ESR1: variants seen among roughly 807,000 people sequenced by gnomAD.
The protein encoded by ESR1 is estrogen receptor 1, also known as estrogen receptor.
Under a neutral mutation model 52.7 loss-of-function variants are expected in ESR1, and 12 were observed. The ratio of observed to expected loss-of-function variants is 0.23; its 90% CI spans 0.15 to 0.37. The LOEUF is 0.37. Ranked by LOEUF, ESR1 falls within the 10% of genes least tolerant of loss-of-function variation. The probability of loss-of-function intolerance (pLI) is 1.00; values close to 1 mark genes in which losing one functional copy is unlikely to be tolerated. For missense variants in ESR1, 584 were observed against 779.7 expected, an observed-to-expected ratio of 0.75 and a Z score of 2.99; for synonymous variants, 305 against 316.8, an observed-to-expected ratio of 0.96 and a Z score of 0.39.
chr6:152,091,770 G>T (rs1441641944), intron 6 of ESR1, among the ~76,000 whole-genome samples: 1 of 152,082 alleles, frequency 6.6e-6, no homozygotes, highest in Non-Finnish European at 1.5e-5. Context: ...GAGAAGAGAG[G>T]CACACATGTC....
At chr6:151,913,781 T>C (rs575704437) in intron 3 of ESR1, among the ~76,000 whole-genome samples, 1 of 152,326 alleles carries the variant, frequency 6.6e-6, no homozygotes, top group Non-Finnish European at 1.5e-5. Context: ...CAGATCTTTT[T>C]TTTAATGTAC....
intron 2 of ESR1, among the ~76,000 whole-genome samples, chr6:151,725,465 T>C (rs951814806): frequency 1.4e-4 from 22 of 152,228 alleles, no homozygotes; most frequent in African/African-American, 3.6e-4. Context: ...TTTGAGACTA[T>C]AGAGTTTCTT....
chr6:151,793,971 AG>A (rs1385741840), intron 2 of ESR1, among the ~76,000 whole-genome samples: 1 of 152,232 alleles, frequency 6.6e-6, no homozygotes, highest in Non-Finnish European at 1.5e-5. Context: ...TTAGGAGAAT[AG>A]GATGTCTTCT....
chr6:151,668,342 G>A (rs1164500630), intron 1 of ESR1, among the ~76,000 whole-genome samples: 2 of 151,700 alleles, frequency 1.3e-5, no homozygotes, highest in Non-Finnish European at 2.9e-5. Context: ...GCAGTGGCTC[G>A]ATCTTGGCTC....
At chr6:151,886,850 G>A (rs1793931570) in intron 3 of ESR1, among the ~76,000 whole-genome samples, 1 of 152,020 alleles carries the variant, frequency 6.6e-6, no homozygotes, top group Non-Finnish European at 1.5e-5. Flanking sequence ...AGACCAGCCT[G>A]ACCAACATGG....
chr6:151,658,169 G>A (rs1383007169), intron 1 of ESR1, among the ~76,000 whole-genome samples: 2 of 152,192 alleles, frequency 1.3e-5, no homozygotes, highest in Non-Finnish European at 2.9e-5. Context: ...CTTGACTGCA[G>A]TAGGCACTCA....
intron 2 of ESR1, among the ~76,000 whole-genome samples, chr6:151,847,783 G>A (rs1785406096): frequency 1.4e-5 from 2 of 141,922 alleles, no homozygotes; most frequent in South Asian, 4.7e-4. Context: ...TGTTGCCATT[G>A]CTTTTGGTGT....
intron 4 of ESR1, among the ~76,000 whole-genome samples, chr6:151,976,740 A>G (rs1252362540): frequency 6.6e-6 from 1 of 152,108 alleles, no homozygotes; most frequent in Non-Finnish European, 1.5e-5. Flanking sequence ...AGTCATCATC[A>G]CCTAATATCT....
At position 152,098,893 on chromosome 6, in the gene ESR1, G is replaced by A. The variant is rs1349602105; in HGVS notation, c.1715G>A (p.Gly572Asp). 7 of 1,614,206 alleles carry A rather than the reference G, an allele frequency of 4.3e-6. No individual in the cohort carries two copies. Among genetic ancestry groups the A allele is most frequent in the Non-Finnish European group, 5.9e-6 (7 of 1,180,046 alleles). ...ETDQSHLATA[G>D]STSSHSLQKY... ...GACCAAAGCCACTTGGCCACTGCGG[G>A]CTCTACTTCATCGCATTCCTTGCAA... Residue 572 changes from glycine to aspartate, a missense_variant, in exon 8 of 8, where the codon GGC becomes GAC. This residue lies in a region of ESR1 where 71 missense variants were observed against 66.1 expected (regional missense o/e 1.07). Coordinates refer to ENST00000206249, the MANE Select transcript of ESR1 (RefSeq NM_000125.4). This position sits in a 1 kb window ranked among gnomAD's most constrained non-coding sequence, Gnocchi z 5.1.
chr6:152,049,173 A>G (rs1442190033), intron 5 of ESR1, among the ~76,000 whole-genome samples: 1 of 152,244 alleles, frequency 6.6e-6, no homozygotes, highest in Non-Finnish European at 1.5e-5. Context: ...GAAGTATAGA[A>G]TTCCATCTCC....
intron 2 of ESR1, among the ~76,000 whole-genome samples, chr6:151,730,136 C>A (rs1782132180): frequency 6.6e-6 from 1 of 152,072 alleles, no homozygotes; most frequent in African/African-American, 2.4e-5. Flanking sequence ...TTTCTGAGGT[C>A]CCAGAGGGTG....
chr6:151,909,753 G>A (rs759270071), intron 3 of ESR1, among the ~76,000 whole-genome samples: 4 of 152,194 alleles, frequency 2.6e-5, no homozygotes, highest in Non-Finnish European at 4.4e-5. Flanking sequence ...AGAGAGTGGT[G>A]CAGGTGAGGA....
At chr6:151,791,338 G>A (rs945116623) in intron 2 of ESR1, among the ~76,000 whole-genome samples, 3 of 152,124 alleles carry the variant, frequency 2.0e-5, no homozygotes, top group African/African-American at 7.2e-5. Flanking sequence ...CACGAGATCT[G>A]ATGGTTTTAT....
At chr6:151,858,060 G>A (rs1788192530) in intron 2 of ESR1, among the ~76,000 whole-genome samples, 1 of 151,966 alleles carries the variant, frequency 6.6e-6, no homozygotes, top group Admixed American at 6.6e-5. Context: ...AGATTATTCT[G>A]TATTTACCAA....
chr6:152,079,325 G>T (rs371373943), intron 6 of ESR1, among the ~76,000 whole-genome samples: 1 of 152,176 alleles, frequency 6.6e-6, no homozygotes, highest in Non-Finnish European at 1.5e-5. Context: ...TGCAGCCTCC[G>T]CTGGTGATAC....
At chr6:152,114,459 C>T (rs1209979092) in intron 6 of ESR1, among the ~76,000 whole-genome samples, 3 of 152,268 alleles carry the variant, frequency 2.0e-5, no homozygotes, top group African/African-American at 7.2e-5. Flanking sequence ...CAAATCAGGC[C>T]TTTGCTCTTA....
At chr6:152,024,646 A>G (rs1379421768) in intron 5 of ESR1, among the ~76,000 whole-genome samples, 3 of 147,988 alleles carry the variant, frequency 2.0e-5, no homozygotes, top group South Asian at 2.1e-4. Context: ...TATTATACCT[A>G]TTTTATATAG....
intron 2 of ESR1, among the ~76,000 whole-genome samples, chr6:151,775,208 A>G (rs146597165): frequency 1.9e-4 from 29 of 152,318 alleles, no homozygotes; most frequent in Non-Finnish European, 3.1e-4. Flanking sequence ...CATGATGGAG[A>G]GTAATACAAG....
chr6:151,918,850 C>T (rs926231373), intron 3 of ESR1, among the ~76,000 whole-genome samples: 7 of 152,156 alleles, frequency 4.6e-5, no homozygotes, highest in Non-Finnish European at 7.4e-5. Flanking sequence ...AATCACGTCA[C>T]AGGCAAATTA....
Sources: gnomAD v4.1 joint callset for allele counts (sites outside exome capture counted in the v4.1 genomes callset) on GRCh38, gnomAD v4.1.1 for gene constraint, gnomAD v4.1.1 regional missense constraint, Gnocchi (gnomAD v3.1) non-coding constraint, MANE v1.5 for transcripts, NCBI Gene and HGNC (gene_info 2026-07-23, HGNC 2026-07-21) for gene names.